Variants in CEP112 observed in about 807,000 individuals in gnomAD.
The protein encoded by CEP112 is centrosomal protein 112.
CEP112 carries 127 observed loss-of-function variants against 153.0 expected under a neutral mutation model. The ratio of observed to expected loss-of-function variants is 0.83; its 90% CI spans 0.72 to 0.96. CEP112 has a LOEUF of 0.96. CEP112 is among the 40% of genes least tolerant of loss of function. The probability of loss-of-function intolerance (pLI) is 0.00; values close to 1 mark genes in which losing one functional copy is unlikely to be tolerated. For synonymous variants in CEP112, 358 were observed against 374.4 expected, an observed-to-expected ratio of 0.96 and a Z score of 0.51; for missense variants, 1,089 against 1,101.2, an observed-to-expected ratio of 0.99 and a Z score of 0.16.
At chr17:65,800,409 G>A (rs1172477168) in intron 21 of CEP112, among the ~76,000 whole-genome samples, 1 of 151,956 alleles carries the variant, frequency 6.6e-6, no homozygotes, top group Non-Finnish European at 1.5e-5. Flanking sequence ...GTATTTTCAA[G>A]GTTTATCTGT....
chr17:65,868,104 G>A (rs1020884870), intron 20 of CEP112, among the ~76,000 whole-genome samples: 7 of 151,734 alleles, frequency 4.6e-5, no homozygotes, highest in South Asian at 2.1e-4. Flanking sequence ...GTTCTTGTTC[G>A]TTATGTCAAA....
intron 17 of CEP112, among the ~76,000 whole-genome samples, chr17:65,968,652 T>C (rs2062503878): frequency 6.6e-6 from 1 of 152,210 alleles, no homozygotes; most frequent in Non-Finnish European, 1.5e-5. Context: ...GTTAGGGCAG[T>C]TCACATATTA....
chr17:65,690,146 C>T (rs753351239), intron 23 of CEP112, among the ~76,000 whole-genome samples: 45 of 142,104 alleles, frequency 3.2e-4, no homozygotes, highest in Non-Finnish European at 4.8e-4. Context: ...AAACTCCGGT[C>T]GGGCACAGTG....
intron 20 of CEP112, among the ~76,000 whole-genome samples, chr17:65,896,982 G>A (rs1199410427): frequency 6.6e-6 from 1 of 152,004 alleles, no homozygotes. Context: ...ATTAAACTTT[G>A]TACATTGCAG....
At chr17:66,087,973 G>A (rs968850589) in intron 8 of CEP112, among the ~76,000 whole-genome samples, 1 of 151,918 alleles carries the variant, frequency 6.6e-6, no homozygotes, top group Non-Finnish European at 1.5e-5. Context: ...ATCCACCCTG[G>A]TACAAGGAAA....
intron 21 of CEP112, among the ~76,000 whole-genome samples, chr17:65,785,304 A>G (rs2054222880): frequency 6.6e-6 from 1 of 152,210 alleles, no homozygotes; most frequent in South Asian, 2.1e-4. Context: ...TTCTTTGGGA[A>G]ATATTTTTTC....
At chr17:66,179,767 G>T (rs1314403501) in intron 2 of CEP112, among the ~76,000 whole-genome samples, 1 of 152,110 alleles carries the variant, frequency 6.6e-6, no homozygotes, top group Non-Finnish European at 1.5e-5. Context: ...TTGTATTCCA[G>T]ATCTTAAAGG....
chr17:65,783,480 T>C (rs1179745451), intron 21 of CEP112, among the ~76,000 whole-genome samples: 2 of 152,174 alleles, frequency 1.3e-5, no homozygotes, highest in Non-Finnish European at 2.9e-5. Flanking sequence ...AAACAAATAC[T>C]TGTACACAAT....
intron 19 of CEP112, among the ~76,000 whole-genome samples, chr17:65,910,223 T>TA (rs1200981499): frequency 2.6e-5 from 4 of 152,082 alleles, no homozygotes; most frequent in Non-Finnish European, 1.5e-5. Context: ...CACGATCTCA[T>TA]AAAAAAGTAA....
intron 23 of CEP112, among the ~76,000 whole-genome samples, chr17:65,705,609 T>C (rs1567891374): frequency 1.3e-5 from 2 of 152,132 alleles, no homozygotes; most frequent in Non-Finnish European, 2.9e-5. Context: ...AGATGTTCAA[T>C]GACACCACAA....
intron 17 of CEP112, among the ~76,000 whole-genome samples, chr17:65,968,315 T>C (rs904612586): frequency 6.6e-6 from 1 of 152,180 alleles, no homozygotes; most frequent in Non-Finnish European, 1.5e-5. Flanking sequence ...TATCCATGCC[T>C]TGTCCCAGGG....
At chr17:66,120,873 AT>A (rs2069547449) in intron 6 of CEP112, among the ~76,000 whole-genome samples, 1 of 128,222 alleles carries the variant, frequency 7.8e-6, no homozygotes, top group East Asian at 2.3e-4. Context: ...AATCTTTATT[AT>A]TTCCTTCATC....
intron 19 of CEP112, among the ~76,000 whole-genome samples, chr17:65,914,082 G>T (rs1435347569): frequency 6.6e-6 from 1 of 151,478 alleles, no homozygotes; most frequent in African/African-American, 2.4e-5. Flanking sequence ...CACACAAATT[G>T]AGAAAATTAA....
chr17:66,115,927 C>T (rs1445615801), intron 6 of CEP112, among the ~76,000 whole-genome samples: 2 of 152,154 alleles, frequency 1.3e-5, no homozygotes, highest in Non-Finnish European at 2.9e-5. Flanking sequence ...TTGGCTATGC[C>T]AGTGTGATAG....
chr17:65,892,518 ATGAT>A (rs1245397236), intron 20 of CEP112, among the ~76,000 whole-genome samples: 1 of 150,536 alleles, frequency 6.6e-6, no homozygotes, highest in Non-Finnish European at 1.5e-5. Context: ...GCAGTAGATG[ATGAT>A]TTTTTTTTTT....
chr17:65,651,056 A>G (rs1437854904), intron 24 of CEP112, among the ~76,000 whole-genome samples: 3 of 152,040 alleles, frequency 2.0e-5, no homozygotes, highest in Admixed American at 6.6e-5. Context: ...TGTACACTGA[A>G]CCCAGTGTAT....
intron 3 of CEP112, 24 bp downstream of exon 3, chr17:66,176,805 AT>A: frequency 6.4e-7 from 1 of 1,556,674 alleles, no homozygotes; most frequent in Non-Finnish European, 8.7e-7. Context: ...AAACTAATAT[AT>A]ACCTTTTGTT....
chr17:65,734,433 T>A (rs2050684617), intron 23 of CEP112, among the ~76,000 whole-genome samples: 1 of 152,194 alleles, frequency 6.6e-6, no homozygotes, highest in Admixed American at 6.5e-5. Flanking sequence ...AGGTTTTGTA[T>A]ATGTGGATTA....
At chr17:66,037,361 C>T (rs1057217947) in intron 12 of CEP112, among the ~76,000 whole-genome samples, 3 of 151,996 alleles carry the variant, frequency 2.0e-5, no homozygotes, top group Non-Finnish European at 4.4e-5. Flanking sequence ...TTCCCGTGAC[C>T]ACCTCTCTCT....
Sources: allele counts gnomAD v4.1 joint callset (sites outside exome capture counted in the v4.1 genomes callset), GRCh38; gene constraint gnomAD v4.1.1; transcripts MANE v1.5; gene names NCBI Gene and HGNC (gene_info 2026-07-23, HGNC 2026-07-21).